Variants in KIT observed in about 807,000 individuals in gnomAD.
KIT encodes mast/stem cell growth factor receptor Kit.
KIT carries 16 observed loss-of-function variants against 105.7 expected under a neutral mutation model. That is an observed-to-expected ratio of 0.15 (90% confidence interval 0.10 to 0.23). KIT has a LOEUF of 0.23. Among genes scored for constraint, KIT ranks in the 10% least tolerant of loss-of-function variants. The pLI is 1.00. For missense variants in KIT, 858 were observed against 1,213.8 expected, an observed-to-expected ratio of 0.71 and a Z score of 4.36; for synonymous variants, 438 against 441.1, an observed-to-expected ratio of 0.99 and a Z score of 0.09.
In KIT at chr4:54,676,950, G is replaced by C. The variant is rs370220758; in HGVS notation, c.68-18562G>C. Among the ~76,000 whole-genome samples the C allele has an allele frequency of 2.6e-5, 4 of 152,182 alleles. No individual in the cohort carries two copies. The South Asian group carries it at 8.3e-4, about 32-fold the overall frequency. On this transcript the variant is annotated intron_variant, in intron 1 of 20. Coordinates refer to ENST00000288135, the MANE Select transcript of KIT (RefSeq NM_000222.3). The stretch of plus-strand genomic sequence containing the variant: ...TTTGCAATCTTCTCTGACCTCCCAG[G>C]GTAGGTCAGATCAGCCCTCATTGTA...
In KIT at chr4:54,739,801, T is replaced by C. The variant is rs986274276; in HGVS notation, c.*1244T>C. On this transcript the variant is annotated 3_prime_UTR_variant, in exon 21 of 21. Transcript: ENST00000288135. ...TCTTGTTTCTTTTCACATAGCTGTC[T>C]AGAGTAGCTTACCAGAAGCTTCCAT... is the stretch of plus-strand genomic sequence containing the variant. The C allele has an allele frequency of 8.6e-6, 2 of 233,448 alleles. No homozygotes were observed. Among genetic ancestry groups the C allele is most frequent in the African/African-American group, 4.4e-5 (2 of 45,332 alleles). The allele number at this position is 233,448 out of a possible 1,614,324, so 14.5% of individuals were successfully genotyped here. A position where few individuals can be genotyped will look rare whatever the true frequency, so the allele number is the denominator to read the frequency against.
chr4:54,696,571 G>T (rs1045767042), intron 2 of KIT, among the ~76,000 whole-genome samples: 8 of 152,212 alleles, frequency 5.3e-5, no homozygotes, highest in Non-Finnish European at 7.3e-5. Flanking sequence ...CTTATCCATG[G>T]TATTGTGAAT....
intron 1 of KIT, among the ~76,000 whole-genome samples, chr4:54,665,292 A>G (rs79585075): frequency 0.015 from 2,230 of 152,268 alleles, 56 homozygotes; most frequent in African/African-American, 0.051. Context: ...TCCTCCTTTG[A>G]TGGACATTTG....
At chr4:54,735,057 A>C (rs531861940) in intron 17 of KIT, among the ~76,000 whole-genome samples, 1 of 152,314 alleles carries the variant, frequency 6.6e-6, no homozygotes, top group Admixed American at 6.5e-5. Context: ...ATTTTGAGAT[A>C]CCTATAAAGA....
chr4:54,680,223 A>G (rs912805010), intron 1 of KIT, among the ~76,000 whole-genome samples: 2 of 152,144 alleles, frequency 1.3e-5, no homozygotes, highest in Non-Finnish European at 2.9e-5. Context: ...ATATATGTGT[A>G]TATATACACA....
At chr4:54,670,965 T>C (rs1274982065) in intron 1 of KIT, among the ~76,000 whole-genome samples, 1 of 152,182 alleles carries the variant, frequency 6.6e-6, no homozygotes, top group South Asian at 2.1e-4. Flanking sequence ...TATGACAGAC[T>C]TCAGTTTTAA....
intron 7 of KIT, among the ~76,000 whole-genome samples, chr4:54,722,853 T>TTATATATA (rs1302867801): frequency 9.5e-5 from 12 of 126,590 alleles, no homozygotes; most frequent in African/African-American, 5.3e-4. Context: ...TTATATATAT[T>TTATATATA]TTTATATATA....
intron 6 of KIT, among the ~76,000 whole-genome samples, chr4:54,708,492 C>G (rs777161014): frequency 1.3e-5 from 2 of 152,166 alleles, no homozygotes; most frequent in African/African-American, 4.8e-5. Flanking sequence ...CAGTCACTTA[C>G]TGGCTGCAGA....
At chr4:54,674,857 CTT>C (rs908039820) in intron 1 of KIT, among the ~76,000 whole-genome samples, 6 of 152,128 alleles carry the variant, frequency 3.9e-5, no homozygotes, top group African/African-American at 1.4e-4. Flanking sequence ...AACTGACATG[CTT>C]TTGTCATTAT....
chr4:54,710,787 T>G (rs1721104681), intron 7 of KIT, among the ~76,000 whole-genome samples: 1 of 152,186 alleles, frequency 6.6e-6, no homozygotes, highest in African/African-American at 2.4e-5. Context: ...AGTGATCACC[T>G]GCTTCAGCCT....
intron 14 of KIT, 84 bp from the exon 15 acceptor site, chr4:54,731,244 G>T (rs1238086623): frequency 1.1e-6 from 1 of 892,992 alleles, no homozygotes; most frequent in Admixed American, 1.7e-5. Context: ...TGTAGCAAAG[G>T]GGATGAGGAG....
At position 54,709,428 on chromosome 4, in the gene KIT, G is replaced by A. The variant is rs73137716; in HGVS notation, c.1120G>A (p.Val374Ile). The A allele has an allele frequency of 3.9e-4, 632 of 1,602,326 alleles. No individual in the cohort carries two copies. In the African/African-American group the frequency reaches 7.1e-3, roughly 18 times the overall value. Residue 374 changes from valine (V) to isoleucine (I), a missense_variant, in exon 7 of 21, where the codon GTA becomes ATA. Coordinates refer to ENST00000288135, the MANE Select transcript of KIT (RefSeq NM_000222.3). Reference sequence around the variant, plus strand: ...CTAGTTGTCTTTTCTTTGTAGATACGTAAGTGAACTTCATCTAACGAGATT... The same window carrying A: ...CTAGTTGTCTTTTCTTTGTAGATACATAAGTGAACTTCATCTAACGAGATT... ...KSENESNIRYVSELHLTRLKG... is the reference protein window; with the variant it reads ...KSENESNIRYISELHLTRLKG...
chr4:54,739,091 A>G lies in KIT; in HGVS notation c.*534A>G, dbSNP rs1301046669. The G allele has an allele frequency of 1.7e-5, 7 of 400,158 alleles. No individual in the cohort carries two copies. Among genetic ancestry groups the G allele is most frequent in the African/African-American group, 6.2e-5 (3 of 48,600 alleles). 24.8% of individuals were successfully genotyped at this position (400,158 alleles called of 1,614,324 possible). ...GAATGAGACATAGGCCATGAAAAAA[A>G]TGATCCCCAAGTGTGAACAAAAGAT... On this transcript the variant is annotated 3_prime_UTR_variant, in exon 21 of 21. Transcript: ENST00000288135.
Position 54,738,370 on chromosome 4 carries a change from T to C in KIT, c.2803-59T>C, listed in dbSNP as rs1328820345. 2.5e-6 allele frequency: 4 copies of C among 1,596,688 alleles called. No homozygotes were observed. In the East Asian group the frequency reaches 8.9e-5, roughly 36 times the overall value. On this transcript the variant is annotated intron_variant, in intron 20 of 20. Coordinates refer to ENST00000288135, the MANE Select transcript of KIT (RefSeq NM_000222.3). Reference sequence around the variant, plus strand: ...GTGATCTTGACACTGTAAGTATGCCTTTTGTTGCTATGTTCGTTGTAGGGA... The same window carrying C: ...GTGATCTTGACACTGTAAGTATGCCCTTTGTTGCTATGTTCGTTGTAGGGA...
chr4:54,698,603 A>C lies in KIT; in HGVS notation c.619+38A>C. The C allele has an allele frequency of 1.9e-6, 3 of 1,609,206 alleles. No individual in the cohort carries two copies. The African/African-American group carries it at 4.0e-5, about 21-fold the overall frequency. ...TCTTATCTGCCTCTGGGAGTTGAGAACTCACTTATCTAAAGAAGACTTCTC... is the reference window on the plus strand; with the variant it reads ...TCTTATCTGCCTCTGGGAGTTGAGACCTCACTTATCTAAAGAAGACTTCTC... On this transcript the variant is annotated intron_variant, in intron 3 of 20. Coordinates refer to ENST00000288135, the MANE Select transcript of KIT (RefSeq NM_000222.3).
chr4:54,736,892 G>C (rs1722952686), intron 19 of KIT, 72 bp downstream of exon 19: 1 of 1,110,720 alleles, frequency 9.0e-7, no homozygotes. Context: ...CAGAAACCCA[G>C]ATGTTGAGGG....
chr4:54,712,915 G>A (rs3020827), intron 7 of KIT, among the ~76,000 whole-genome samples: 59,011 of 151,886 alleles, frequency 0.39, 11,960 homozygotes, highest in Middle Eastern at 0.56. Context: ...CAAACTGACA[G>A]AGGCATTTAT....
Position 54,695,520 on chromosome 4 carries a change from C to G in KIT, c.76C>G (p.Gln26Glu), listed in dbSNP as rs759129060. Residue 26 changes from glutamine (Q) to glutamate (E), a missense_variant, in exon 2 of 21, where the codon CAA becomes GAA. Gln to Glu is a conservative substitution (Grantham distance 29). Transcript: ENST00000288135. ...TCTGTTTTTCTTGGCAGGCTCTTCT[C>G]AACCATCTGTGAGTCCAGGGGAACC... Reference protein sequence around the residue: ...LLLRVQTGSSQPSVSPGEPSP... With the variant: ...LLLRVQTGSSEPSVSPGEPSP... The G allele has an allele frequency of 2.5e-6, 4 of 1,614,156 alleles. No individual in the cohort carries two copies. The Admixed American group carries it at 6.7e-5, about 27-fold the overall frequency.
rs2109714053 is a variant in KIT, at chr4:54,709,453, TA to T, written c.1149del (p.Gly384AlafsTer10). On this transcript the variant is annotated frameshift_variant, in exon 7 of 21. Transcript: ENST00000288135. LOFTEE classifies it high-confidence loss of function. ...RYVSELHLTR[L>X]KGTEGGTYTF... Reference sequence around the variant, plus strand: ...GTAAGTGAACTTCATCTAACGAGATTAAAAGGCACCGAAGGAGGCACTTACA... The same window carrying T: ...GTAAGTGAACTTCATCTAACGAGATTAAAGGCACCGAAGGAGGCACTTACA... 1 of 1,613,500 alleles carries T rather than the reference TA, an allele frequency of 6.2e-7. No homozygotes were observed. The highest frequency in any genetic ancestry group is 8.5e-7 in the Non-Finnish European group (1 of 1,179,382).
Sources: allele counts gnomAD v4.1 joint callset (sites outside exome capture counted in the v4.1 genomes callset), GRCh38; gene constraint gnomAD v4.1.1; transcripts MANE v1.5; gene names NCBI Gene and HGNC (gene_info 2026-07-23, HGNC 2026-07-21).